LDLRAD4: variants seen among roughly 807,000 people sequenced by gnomAD.
LDLRAD4 encodes the protein low density lipoprotein receptor class A domain containing 4.
Under a neutral mutation model 17.0 loss-of-function variants are expected in LDLRAD4, and 5 were observed. That is an observed-to-expected ratio of 0.29 (90% CI 0.15 to 0.62). The LOEUF (loss-of-function observed/expected upper bound fraction) is 0.62, where lower values mean the gene tolerates loss of function less well. Among genes scored for constraint, LDLRAD4 ranks in the 20% least tolerant of loss-of-function variants. The pLI is 0.84. For synonymous variants in LDLRAD4, 168 were observed against 171.8 expected, an observed-to-expected ratio of 0.98 and a Z score of 0.17; for missense variants, 340 against 424.7, an observed-to-expected ratio of 0.80 and a Z score of 1.75.
chr18:13,329,170 T>G (rs1012167978), intron 1 of LDLRAD4, among the ~76,000 whole-genome samples: 2 of 152,222 alleles, frequency 1.3e-5, no homozygotes, highest in African/African-American at 4.8e-5. Context: ...TAGGATACAT[T>G]CCCAGAAGTG....
chr18:13,303,852 G>C (rs551013685), intron 1 of LDLRAD4, among the ~76,000 whole-genome samples: 1 of 152,328 alleles, frequency 6.6e-6, no homozygotes, highest in East Asian at 1.9e-4. Context: ...CTCCTAGTAA[G>C]AGGGCTAAGG....
At chr18:13,427,421 C>A (rs1235731472) in intron 2 of LDLRAD4, 1 of 152,660 alleles carries the variant, frequency 6.6e-6, no homozygotes, top group African/African-American at 2.4e-5. Flanking sequence ...CATACATGGG[C>A]TGGTGGAGTC....
Position 13,461,562 on chromosome 18 carries a change from G to A in LDLRAD4, c.181+23178G>A, listed in dbSNP as rs1382728839. ...TGAAAACGAAAGTACACTCCACAGG[G>A]TGGTAGCATGCCCTAGCAAGCGGCT... is the stretch of plus-strand genomic sequence containing the variant. On this transcript the variant is annotated intron_variant, in intron 3 of 5. Coordinates refer to ENST00000359446, the Ensembl canonical transcript of LDLRAD4. 2.6e-5 allele frequency: 4 copies of A among 152,198 alleles called. No individual in the cohort carries two copies. In the East Asian group the frequency reaches 7.7e-4, roughly 29 times the overall value. The allele number at this position is 152,198 out of a possible 1,614,324, so 9.4% of individuals were successfully genotyped here. A position where few individuals can be genotyped will look rare whatever the true frequency, so the allele number is the denominator to read the frequency against.
intron 1 of LDLRAD4, among the ~76,000 whole-genome samples, chr18:13,322,916 C>T (rs1351389571): frequency 6.6e-6 from 1 of 152,068 alleles, no homozygotes; most frequent in African/African-American, 2.4e-5. Context: ...TGAGCCACTG[C>T]ACCAGGCCAT....
At chr18:13,510,425 G>A (rs1233250948) in intron 3 of LDLRAD4, among the ~76,000 whole-genome samples, 2 of 151,896 alleles carry the variant, frequency 1.3e-5, no homozygotes, top group Non-Finnish European at 2.9e-5. Context: ...AAAACTATTT[G>A]GTTCTATGAT....
intron 3 of LDLRAD4, among the ~76,000 whole-genome samples, chr18:13,447,810 G>A (rs2091518446): frequency 1.3e-5 from 2 of 152,204 alleles, no homozygotes; most frequent in Admixed American, 6.5e-5. Context: ...CCGCTGGGCC[G>A]TGCCAGACAG....
chr18:13,465,653 G>T (rs1004664434), intron 3 of LDLRAD4, among the ~76,000 whole-genome samples: 2 of 152,212 alleles, frequency 1.3e-5, no homozygotes, highest in Non-Finnish European at 2.9e-5. Flanking sequence ...TTTGGCATCA[G>T]GGTTGTATCT....
chr18:13,318,745 G>C (rs2081062888), intron 1 of LDLRAD4, among the ~76,000 whole-genome samples: 1 of 152,190 alleles, frequency 6.6e-6, no homozygotes, highest in African/African-American at 2.4e-5. Context: ...TCTGGTGTCT[G>C]TCTGTGTCAC....
chr18:13,349,809 G>A (rs1275057449), intron 1 of LDLRAD4, among the ~76,000 whole-genome samples: 2 of 151,178 alleles, frequency 1.3e-5, no homozygotes, highest in African/African-American at 4.9e-5. Context: ...ACTGGCCCCA[G>A]TGTGTGTTGA....
chr18:13,482,775 A>G (rs2093125339), intron 3 of LDLRAD4, among the ~76,000 whole-genome samples: 1 of 152,224 alleles, frequency 6.6e-6, no homozygotes, highest in South Asian at 2.1e-4. Flanking sequence ...GTGGAAGTGC[A>G]CTGTGAACAA....
intron 3 of LDLRAD4, among the ~76,000 whole-genome samples, chr18:13,477,350 A>G (rs1047626920): frequency 6.6e-6 from 1 of 152,186 alleles, no homozygotes; most frequent in Non-Finnish European, 1.5e-5. Flanking sequence ...CACCCGAGAA[A>G]GCATCCAGCA....
At chr18:13,483,279 C>A (rs777333068) in intron 3 of LDLRAD4, among the ~76,000 whole-genome samples, 2 of 152,202 alleles carry the variant, frequency 1.3e-5, no homozygotes, top group Admixed American at 1.3e-4. Flanking sequence ...TCTGTAGTTA[C>A]TGAGTTTCTC....
chr18:13,275,583 A>G (rs1470236689), upstream of LDLRAD4, among the ~76,000 whole-genome samples: 1 of 152,226 alleles, frequency 6.6e-6, no homozygotes, highest in Non-Finnish European at 1.5e-5. Flanking sequence ...TGTAGTCAAT[A>G]ATAACTTAAT....
chr18:13,618,975 G>A (rs905565621), intron 3 of LDLRAD4, among the ~76,000 whole-genome samples: 2 of 152,214 alleles, frequency 1.3e-5, no homozygotes, highest in African/African-American at 4.8e-5. Flanking sequence ...TGCTGGAGGC[G>A]CACTCGGGCA....
intron 3 of LDLRAD4, among the ~76,000 whole-genome samples, chr18:13,557,999 T>C (rs778712362): frequency 7.2e-5 from 11 of 152,224 alleles, no homozygotes; most frequent in Non-Finnish European, 1.6e-4. Flanking sequence ...TATTGAAATA[T>C]AATGAATGGT....
intron 1 of LDLRAD4, among the ~76,000 whole-genome samples, chr18:13,364,376 C>A (rs1393257246): frequency 6.6e-6 from 1 of 152,056 alleles, no homozygotes; most frequent in South Asian, 2.1e-4. Context: ...CTTGCTCTGT[C>A]ACCCAGGCTG....
chr18:13,388,243 G>A (rs1164931314), intron 2 of LDLRAD4, among the ~76,000 whole-genome samples: 1 of 152,232 alleles, frequency 6.6e-6, no homozygotes, highest in African/African-American at 2.4e-5. Flanking sequence ...GCGGGGAGAA[G>A]TGGGACACCC....
chr18:13,642,751 C>A, intron 4 of LDLRAD4: 3 of 1,230,580 alleles, frequency 2.4e-6, no homozygotes, highest in Non-Finnish European at 3.0e-6. Flanking sequence ...GTATTTCAAG[C>A]ACACAGGTGT....
At chr18:13,274,538 C>T (rs1302890019), upstream of LDLRAD4, among the ~76,000 whole-genome samples, 2 of 152,060 alleles carry the variant, frequency 1.3e-5, no homozygotes, top group African/African-American at 4.8e-5. Context: ...CTGCTGCCTG[C>T]GAGGCTAAGC....
Sources: allele counts gnomAD v4.1 joint callset (sites outside exome capture counted in the v4.1 genomes callset), GRCh38; gene constraint gnomAD v4.1.1; transcripts MANE v1.5; gene names NCBI Gene and HGNC (gene_info 2026-07-23, HGNC 2026-07-21).